ARID3A: variants seen among roughly 807,000 people sequenced by gnomAD.
The protein encoded by ARID3A is AT-rich interaction domain 3A.
Under a neutral mutation model 52.7 loss-of-function variants are expected in ARID3A, and 11 were observed. The observed-to-expected ratio is 0.21, with a 90% CI of 0.13 to 0.35. ARID3A has a LOEUF of 0.35. ARID3A is among the 10% of genes least tolerant of loss of function. The pLI is 1.00. For missense variants in ARID3A, 721 were observed against 838.5 expected (o/e 0.86, Z 1.73); for synonymous variants, 404 against 359.4 (o/e 1.12, Z -1.40).
At position 944,325 on chromosome 19, in the gene ARID3A, GGTGTGTGTGTGTGT is replaced by G. The variant is rs74873695; in HGVS notation, c.693+11594_693+11607del. On this transcript the variant is annotated intron_variant, in intron 3 of 8. Coordinates refer to ENST00000263620, the MANE Select transcript of ARID3A (RefSeq NM_005224.3). This position sits in a 1 kb window ranked among gnomAD's most constrained non-coding sequence, Gnocchi z 5.9. ...TCTGGCTGCAGGGGCGCGTCCAGGGGGTGTGTGTGTGTGTGTGTGTGTGTCTGCGTGGGAGTGTC... is the reference window on the plus strand; with the variant it reads ...TCTGGCTGCAGGGGCGCGTCCAGGGGGTGTGTGTGTCTGCGTGGGAGTGTC... 6.7e-6 allele frequency among the ~76,000 whole-genome samples: 1 copy of G among 149,748 alleles called. No homozygotes were observed. The highest frequency in any genetic ancestry group is 1.5e-5 in the Non-Finnish European group (1 of 67,212).
rs1000081243 is a variant in ARID3A at position 965,294 on chromosome 19, A to C, written c.1198+214A>C. ...AATTCCACACAGGTGGCAGGCAGAC[A>C]TTGCTAATCAATCTGTGTTTCCAGT... On this transcript the variant is annotated intron_variant, in intron 6 of 8. Transcript: ENST00000263620. 7 of 578,566 alleles carry C rather than the reference A, an allele frequency of 1.2e-5. No homozygotes were observed. In the Admixed American group the frequency reaches 1.7e-4, roughly 14 times the overall value. 35.8% of individuals were successfully genotyped at this position (578,566 alleles called of 1,614,324 possible).
At chr19:971,017 G>A (rs559094284) in intron 8 of ARID3A, among the ~76,000 whole-genome samples, 43 of 152,342 alleles carry the variant, frequency 2.8e-4, no homozygotes, top group Middle Eastern at 3.4e-3. Flanking sequence ...GGCCAACTGT[G>A]TGCTAGGGGT....
In ARID3A at chr19:938,696, C is replaced by A. The variant is rs908487414; in HGVS notation, c.693+5954C>A. On this transcript the variant is annotated intron_variant, in intron 3 of 8. Transcript: ENST00000263620. The surrounding 1 kb of genome is among the most constrained non-coding windows in gnomAD (Gnocchi z 4.0). ...CCTGACAGCTGGGCGTGTGTGGGCA[C>A]TGGGGCAGGGACGGCCACCAGCAGC... Among the ~76,000 whole-genome samples the A allele has an allele frequency of 6.6e-6, 1 of 152,078 alleles. No individual in the cohort carries two copies. Among genetic ancestry groups the A allele is most frequent in the African/African-American group, 2.4e-5 (1 of 41,430 alleles).
intron 3 of ARID3A, among the ~76,000 whole-genome samples, chr19:946,090 C>T (rs1231517096): frequency 6.6e-6 from 1 of 152,056 alleles, no homozygotes; most frequent in Non-Finnish European, 1.5e-5. Context: ...CAGGTGGGAG[C>T]ATGAGGGCGT....
chr19:933,614 G>A (rs2037378432), intron 3 of ARID3A, among the ~76,000 whole-genome samples: 1 of 152,100 alleles, frequency 6.6e-6, no homozygotes, highest in Admixed American at 6.5e-5. Context: ...TTCGGCCCTG[G>A]GCTTCCAGAA....
chr19:928,971 C>T (rs1192464823), intron 1 of ARID3A: 1 of 152,386 alleles, frequency 6.6e-6, no homozygotes, highest in African/African-American at 2.4e-5. Context: ...AATCACAGGC[C>T]AGGAACGCCC....
At chr19:933,216 G>A (rs1402024099) in intron 3 of ARID3A, among the ~76,000 whole-genome samples, 2 of 152,152 alleles carry the variant, frequency 1.3e-5, no homozygotes, top group Admixed American at 6.5e-5. Flanking sequence ...GGGGATGTGG[G>A]GGTGGCTCAG....
rs771608529 is a variant in ARID3A, at chr19:964,459, C to G, written c.950+28C>G. 22 of 1,545,618 alleles carry G rather than the reference C, an allele frequency of 1.4e-5. No homozygotes were observed. The highest frequency in any genetic ancestry group is 1.7e-5 in the Non-Finnish European group (20 of 1,143,062). ...GAGTGGCGGACGGTTGTGCCGAGGT[C>G]GGGCCAGGGCACTCTGAGCAGCCAG... On this transcript the variant is annotated intron_variant, in intron 5 of 8. Transcript: ENST00000263620. The surrounding 1 kb of genome is among the most constrained non-coding windows in gnomAD (Gnocchi z 5.7).
rs1480929284 is a variant in ARID3A at position 942,585 on chromosome 19, C to T, written c.693+9843C>T. ...CAAGCGCCGGGATATGCAGCCTTGC[C>T]CCTTGGTCAGGGCTGGGCTGGGGGT... On this transcript the variant is annotated intron_variant, in intron 3 of 8. Transcript: ENST00000263620. The surrounding 1 kb of genome is among the most constrained non-coding windows in gnomAD (Gnocchi z 8.1). 6.6e-6 allele frequency among the ~76,000 whole-genome samples: 1 copy of T among 152,168 alleles called. No individual in the cohort carries two copies. Among genetic ancestry groups the T allele is most frequent in the African/African-American group, 2.4e-5 (1 of 41,452 alleles).
intron 3 of ARID3A, chr19:956,494 C>A (rs894991785): frequency 1.3e-5 from 2 of 152,462 alleles, no homozygotes; most frequent in South Asian, 2.0e-4. Flanking sequence ...AGGACGAGGC[C>A]GGGCGTGTGG....
At chr19:943,499 C>T (rs1223416652) in intron 3 of ARID3A, among the ~76,000 whole-genome samples, 2 of 151,406 alleles carry the variant, frequency 1.3e-5, no homozygotes, top group South Asian at 2.1e-4. Context: ...ACCCAGGAGG[C>T]GGAGGCTGCA....
chr19:973,335 A>G lies in ARID3A; in HGVS notation c.*1270A>G, dbSNP rs1332982706. ...TGCCATGTTGGTCAGGCTGATCTCGAACTCCTGACCTCAGGTGATCTGCCC... is the reference window on the plus strand; with the variant it reads ...TGCCATGTTGGTCAGGCTGATCTCGGACTCCTGACCTCAGGTGATCTGCCC... On this transcript the variant is annotated 3_prime_UTR_variant, in exon 9 of 9. Transcript: ENST00000263620. 5.6e-6 allele frequency: 1 copy of G among 179,634 alleles called. No individual in the cohort carries two copies. Among genetic ancestry groups the G allele is most frequent in the Admixed American group, 6.3e-5 (1 of 15,840 alleles). 11.1% of individuals were successfully genotyped at this position (179,634 alleles called of 1,614,324 possible). A position where few individuals can be genotyped will look rare whatever the true frequency, so the allele number is the denominator to read the frequency against.
In ARID3A at chr19:929,650, C is replaced by T. The variant is rs1321621039; in HGVS notation, c.122C>T (p.Ala41Val). 3.9e-6 allele frequency: 6 copies of T among 1,537,018 alleles called. No individual in the cohort carries two copies. The Admixed American group carries it at 1.2e-4, about 30-fold the overall frequency. ...PPAAPPGRAR[A>V]APDEDREPES... ...GCTGCACCCCCCGGCCGGGCCCGGG[C>T]TGCCCCCGACGAGGACAGAGAGCCC... Residue 41 changes from alanine to valine, a missense_variant, in exon 2 of 9, where the codon GCT becomes GTT. Around this residue, in one of 5 missense-constraint regions of ARID3A, gnomAD observed 349 missense variants for 297.3 expected, o/e 1.17. Coordinates refer to ENST00000263620, the MANE Select transcript of ARID3A (RefSeq NM_005224.3). The surrounding 1 kb of genome is among the most constrained non-coding windows in gnomAD (Gnocchi z 6.2).
chr19:935,226 C>T (rs780853341), intron 3 of ARID3A, among the ~76,000 whole-genome samples: 12 of 151,676 alleles, frequency 7.9e-5, no homozygotes, highest in Admixed American at 1.3e-4. Context: ...ATTCTGCTGT[C>T]GGCTGCAGGT....
chr19:951,694 C>T (rs1026510117), intron 3 of ARID3A, among the ~76,000 whole-genome samples: 2 of 152,234 alleles, frequency 1.3e-5, no homozygotes, highest in African/African-American at 4.8e-5. Context: ...CTGGGAGGCT[C>T]AGGCTGCTGC....
chr19:950,701 G>A (rs1389379629), intron 3 of ARID3A, among the ~76,000 whole-genome samples: 1 of 152,226 alleles, frequency 6.6e-6, no homozygotes, highest in Non-Finnish European at 1.5e-5. Flanking sequence ...TCCGACCTTG[G>A]AGGCTGCTGG....
Position 965,067 on chromosome 19 carries a change from T to A in ARID3A, c.1185T>A (p.Pro395=). Residue 395 remains proline, a synonymous_variant, in exon 6 of 9, where the codon CCT becomes CCA. Transcript: ENST00000263620. The part of the protein sequence containing the change: ...STNGSSITPA[P]KIKKEEDSAI... ...ATGGCAGCTCCATCACCCCCGCCCC[T>A]AAGATCAAGAAAGGTAAGGGCCTGT... is the stretch of plus-strand genomic sequence containing the variant. The A allele has an allele frequency of 1.9e-6, 3 of 1,610,550 alleles. No individual in the cohort carries two copies. The highest frequency in any genetic ancestry group is 2.5e-6 in the Non-Finnish European group (3 of 1,178,728).
At position 938,059 on chromosome 19, in the gene ARID3A, G is replaced by T. The variant is rs1305910397; in HGVS notation, c.693+5317G>T. Among the ~76,000 whole-genome samples, 1 of 151,672 alleles carries T rather than the reference G, an allele frequency of 6.6e-6. No individual in the cohort carries two copies. The highest frequency in any genetic ancestry group is 1.5e-5 in the Non-Finnish European group (1 of 67,926). On this transcript the variant is annotated intron_variant, in intron 3 of 8. Coordinates refer to ENST00000263620, the MANE Select transcript of ARID3A (RefSeq NM_005224.3). This position sits in a 1 kb window ranked among gnomAD's most constrained non-coding sequence, Gnocchi z 4.0. ...GGGTTTCACCGTGTTGGGCAGGGTG[G>T]TCTTGAACTCCCAACCTCAGGTGAT...
At position 942,409 on chromosome 19, in the gene ARID3A, C is replaced by A. The variant is rs113095630; in HGVS notation, c.693+9667C>A. Reference sequence around the variant, plus strand: ...GGTCCTCTCCACTGGCCGCCGGGAGCCGGGCCGGGAGCCGCTGCGGTGCCG... The same window carrying A: ...GGTCCTCTCCACTGGCCGCCGGGAGACGGGCCGGGAGCCGCTGCGGTGCCG... On this transcript the variant is annotated intron_variant, in intron 3 of 8. Transcript: ENST00000263620. The surrounding 1 kb of genome is among the most constrained non-coding windows in gnomAD (Gnocchi z 8.1). Among the ~76,000 whole-genome samples the A allele has an allele frequency of 0.034, 5,159 of 152,252 alleles. 131 individuals carry two copies. The highest frequency in any genetic ancestry group is 0.087 in the Admixed American group (1,335 of 15,288).
Sources: allele counts gnomAD v4.1 joint callset (sites outside exome capture counted in the v4.1 genomes callset), GRCh38; gene constraint gnomAD v4.1.1; regional missense constraint gnomAD v4.1.1; non-coding constraint Gnocchi (gnomAD v3.1); transcripts MANE v1.5; gene names NCBI Gene and HGNC (gene_info 2026-07-23, HGNC 2026-07-21).